Variants in LIPF observed in about 807,000 individuals in gnomAD.
LIPF encodes the protein gastric triacylglycerol lipase.
Under a neutral mutation model 38.0 loss-of-function variants are expected in LIPF, and 25 were observed. That is an observed-to-expected ratio of 0.66 (90% CI 0.48 to 0.92). The LOEUF is 0.92. Among genes scored for constraint, LIPF ranks in the 40% least tolerant of loss-of-function variants. The pLI, the probability that LIPF is intolerant of heterozygous loss-of-function variation, is 0.00. For missense variants in LIPF, 410 were observed against 469.9 expected (o/e 0.87, Z 1.18); for synonymous variants, 161 against 156.2 (o/e 1.03, Z -0.23).
At chr10:88,665,969 C>A (rs1841507056) in intron 1 of LIPF, among the ~76,000 whole-genome samples, 1 of 152,062 alleles carries the variant, frequency 6.6e-6, no homozygotes, top group Admixed American at 6.5e-5. Flanking sequence ...GATCTCCTGA[C>A]CTCCTGATCC....
At chr10:88,671,556 A>C (rs1354615473) in intron 5 of LIPF, among the ~76,000 whole-genome samples, 1 of 152,158 alleles carries the variant, frequency 6.6e-6, no homozygotes, top group Non-Finnish European at 1.5e-5. Flanking sequence ...TAACCATATG[A>C]GTATCCTAAA....
chr10:88,676,532 C>T (rs1481466727), intron 9 of LIPF, among the ~76,000 whole-genome samples: 2 of 152,164 alleles, frequency 1.3e-5, no homozygotes, highest in Admixed American at 6.5e-5. Context: ...CTACCCATTG[C>T]CATTACACAG....
chr10:88,669,338 A>C (rs1841560240), intron 4 of LIPF: 2 of 157,668 alleles, frequency 1.3e-5, no homozygotes, highest in African/African-American at 2.4e-5. Context: ...GGAAAAGGGA[A>C]AATGACATGA....
intron 1 of LIPF, among the ~76,000 whole-genome samples, chr10:88,666,478 C>G (rs1564956294): frequency 6.6e-6 from 1 of 152,106 alleles, no homozygotes; most frequent in Non-Finnish European, 1.5e-5. Context: ...GCTTTTTCAC[C>G]AGCTTAATAT....
At chr10:88,668,887 C>A (rs140527747) in intron 4 of LIPF, 131 bp downstream of exon 4, 2 of 767,540 alleles carry the variant, frequency 2.6e-6, no homozygotes, top group Non-Finnish European at 4.2e-6. Flanking sequence ...TCATTCTAAT[C>A]CATTCTTGGA....
At chr10:88,671,781 A>G (rs1249836857) in intron 5 of LIPF, 48 bp from the exon 6 acceptor site, 1 of 1,570,502 alleles carries the variant, frequency 6.4e-7, no homozygotes, top group South Asian at 1.2e-5. Flanking sequence ...AAACAACAAC[A>G]ACAACACACA....
At chr10:88,669,633 C>G (rs1290791161) in intron 4 of LIPF, 1 of 434,934 alleles carries the variant, frequency 2.3e-6, no homozygotes. Flanking sequence ...ATTGTGGCTG[C>G]AATGCTGCGC....
chr10:88,665,428 T>A (rs950360181), intron 1 of LIPF: 12 of 773,098 alleles, frequency 1.6e-5, no homozygotes, highest in East Asian at 8.0e-5. Context: ...GAACACACAG[T>A]ACAGCACACA....
intron 9 of LIPF, among the ~76,000 whole-genome samples, chr10:88,676,517 T>TA (rs1405345480): frequency 2.0e-5 from 3 of 152,166 alleles, no homozygotes; most frequent in African/African-American, 7.2e-5. Context: ...TCCCAGGACT[T>TA]ACCACTACCC....
Position 88,667,613 on chromosome 10 carries a change from A to G in LIPF, c.150A>G (p.Glu50=). Residue 50 remains glutamate (E), a synonymous_variant, in exon 3 of 10, where the codon GAA becomes GAG. Coordinates refer to ENST00000238983, the MANE Select transcript of LIPF (RefSeq NM_004190.4). ...GGGGATACCCAAATGAAGAATATGAAGTTGTGACTGAAGATGGTTATATTC... is the reference window on the plus strand; with the variant it reads ...GGGGATACCCAAATGAAGAATATGAGGTTGTGACTGAAGATGGTTATATTC... ...TYWGYPNEEY[E]VVTEDGYILE... is the part of the protein sequence containing the mutation. 6.2e-7 allele frequency: 1 copy of G among 1,604,826 alleles called. No homozygotes were observed. Among genetic ancestry groups the G allele is most frequent in the Non-Finnish European group, 8.5e-7 (1 of 1,172,168 alleles).
intron 1 of LIPF, among the ~76,000 whole-genome samples, chr10:88,666,552 C>T (rs1168781818): frequency 2.0e-5 from 3 of 152,002 alleles, no homozygotes; most frequent in Non-Finnish European, 2.9e-5. Flanking sequence ...TGTTGTGGGC[C>T]TAATACCAAA....
At chr10:88,678,367 T>C in intron 9 of LIPF, 78 bp from the exon 10 acceptor site, 1 of 1,041,372 alleles carries the variant, frequency 9.6e-7, no homozygotes, top group Non-Finnish European at 1.5e-6. Context: ...GTTAATGTTA[T>C]ACACTCTACT....
chr10:88,668,579 T>G lies in LIPF; in HGVS notation c.245T>G (p.Leu82Trp). 6.2e-7 allele frequency: 1 copy of G among 1,614,222 alleles called. No homozygotes were observed. The highest frequency in any genetic ancestry group is 8.5e-7 in the Non-Finnish European group (1 of 1,180,004). ...GNTGQRPVVFLQHGLLASATN... is the reference protein window; with the variant it reads ...GNTGQRPVVFWQHGLLASATN... ...TTAGGCCAGAGACCTGTTGTGTTTT[T>G]GCAGCATGGTTTGCTTGCATCAGCC... is the stretch of plus-strand genomic sequence containing the variant. The change falls in exon 4 of 10, where the codon TTG (leucine) becomes TGG (tryptophan). Residue 82 changes from leucine to tryptophan, a missense_variant. Coordinates refer to ENST00000238983, the MANE Select transcript of LIPF (RefSeq NM_004190.4).
At chr10:88,674,635 C>T (rs185773082) in intron 7 of LIPF, among the ~76,000 whole-genome samples, 41 of 152,332 alleles carry the variant, frequency 2.7e-4, no homozygotes, top group African/African-American at 8.9e-4. Context: ...TTGATTTCCT[C>T]ATCCACAAAA....
rs1554948961 is a variant in LIPF at position 88,667,641 on chromosome 10, G to T, written c.178G>T (p.Glu60Ter). The change falls in exon 3 of 10, where the codon GAA (glutamate) becomes TAA (stop). Residue 60 changes from glutamate (E) to a stop codon, truncating the protein, a stop_gained. Coordinates refer to ENST00000238983, the MANE Select transcript of LIPF (RefSeq NM_004190.4). LOFTEE classifies it high-confidence loss of function. Reference protein sequence around the residue: ...EVVTEDGYILEVNRIPYGKKN... With the variant: ...EVVTEDGYIL ...TGTGACTGAAGATGGTTATATTCTT[G>T]AAGTCAATAGAATTCCTTATGGGAA... is the stretch of plus-strand genomic sequence containing the variant. 2.5e-6 allele frequency: 4 copies of T among 1,587,152 alleles called. No homozygotes were observed. In the South Asian group the frequency reaches 4.4e-5, roughly 18 times the overall value.
intron 6 of LIPF, 21 bp from the exon 7 acceptor site, chr10:88,673,567 A>G (rs1841636711): frequency 6.3e-7 from 1 of 1,594,462 alleles, no homozygotes; most frequent in African/African-American, 1.3e-5. Context: ...ACAACCCTCT[A>G]ATAGTGCCTT....
In LIPF at chr10:88,674,661, A is replaced by G. The variant is rs146153179; in HGVS notation, c.817-925A>G. ...ATCCACAAAATGGGTTATTGGGAAG[A>G]TCAAATGAGCTAGTATGTTTAAAGC... is the stretch of plus-strand genomic sequence containing the variant. On this transcript the variant is annotated intron_variant, in intron 7 of 9. Coordinates refer to ENST00000238983, the MANE Select transcript of LIPF (RefSeq NM_004190.4). Among the ~76,000 whole-genome samples the G allele has an allele frequency of 1.9e-3, 295 of 152,364 alleles. 2 individuals carry two copies. Among genetic ancestry groups the G allele is most frequent in the Non-Finnish European group, 2.6e-3 (176 of 68,030 alleles).
intron 4 of LIPF, chr10:88,669,510 A>G (rs1841562836): frequency 5.7e-6 from 1 of 174,662 alleles, no homozygotes; most frequent in East Asian, 1.6e-4. Context: ...AGAGAAAGAC[A>G]GGATTTATAT....
chr10:88,672,288 A>G (rs1395747312), intron 6 of LIPF, among the ~76,000 whole-genome samples: 1 of 152,218 alleles, frequency 6.6e-6, no homozygotes, highest in Admixed American at 6.5e-5. Flanking sequence ...AGGAGGGAAG[A>G]TGAAATAAAA....
Sources: allele counts gnomAD v4.1 joint callset (sites outside exome capture counted in the v4.1 genomes callset), GRCh38; gene constraint gnomAD v4.1.1; transcripts MANE v1.5; gene names NCBI Gene and HGNC (gene_info 2026-07-23, HGNC 2026-07-21).